Variants in PTPRR observed in about 807,000 individuals in gnomAD.
PTPRR encodes the protein protein tyrosine phosphatase receptor type R, also known as receptor-type tyrosine-protein phosphatase R.
PTPRR carries 38 observed loss-of-function variants against 77.2 expected under a neutral mutation model. The ratio of observed to expected loss-of-function variants is 0.49; its 90% CI spans 0.38 to 0.65. The LOEUF (loss-of-function observed/expected upper bound fraction) is 0.65. Among genes scored for constraint, PTPRR ranks in the 30% least tolerant of loss-of-function variants. The probability of loss-of-function intolerance (pLI) is 0.00; values close to 1 mark genes in which losing one functional copy is unlikely to be tolerated. For synonymous variants in PTPRR, 299 were observed against 283.1 expected, an observed-to-expected ratio of 1.06 and a Z score of -0.57; for missense variants, 744 against 799.2, an observed-to-expected ratio of 0.93 and a Z score of 0.83.
chr12:70,734,401 G>A (rs190220473), intron 6 of PTPRR, among the ~76,000 whole-genome samples: 17 of 152,240 alleles, frequency 1.1e-4, no homozygotes, highest in Non-Finnish European at 2.2e-4. Context: ...AGTTCCCAGG[G>A]TAGTTAGATT....
intron 13 of PTPRR, among the ~76,000 whole-genome samples, chr12:70,655,365 C>T (rs776039646): frequency 6.6e-5 from 10 of 152,240 alleles, no homozygotes; most frequent in South Asian, 6.2e-4. Context: ...AATAGAATTC[C>T]GTATGATCCA....
chr12:70,784,622 G>A (rs1251267620), intron 2 of PTPRR, among the ~76,000 whole-genome samples: 2 of 152,334 alleles, frequency 1.3e-5, no homozygotes, highest in East Asian at 1.9e-4. Context: ...GGCAGCAGCC[G>A]CACCAGATGG....
intron 2 of PTPRR, among the ~76,000 whole-genome samples, chr12:70,784,225 A>C (rs1462071112): frequency 6.6e-6 from 1 of 152,166 alleles, no homozygotes; most frequent in Non-Finnish European, 1.5e-5. Context: ...AGGGGTACCC[A>C]GGTTGCAGTG....
At chr12:70,735,683 A>G (rs1233283940) in intron 6 of PTPRR, among the ~76,000 whole-genome samples, 1 of 152,174 alleles carries the variant, frequency 6.6e-6, no homozygotes, top group African/African-American at 2.4e-5. Context: ...GGTTGTCAAG[A>G]TTGTATCTTT....
chr12:70,767,247 A>C (rs560399499), intron 2 of PTPRR, among the ~76,000 whole-genome samples: 2 of 152,212 alleles, frequency 1.3e-5, no homozygotes, highest in South Asian at 4.2e-4. Context: ...AAGACCCATC[A>C]GTGTGCTGTA....
intron 1 of PTPRR, 98 bp downstream of exon 1, chr12:70,920,235 A>G (rs1054254005): frequency 1.5e-6 from 2 of 1,332,046 alleles, no homozygotes; most frequent in Non-Finnish European, 2.1e-6. Flanking sequence ...CTTTTTAGAA[A>G]GGCTTTCTTC....
chr12:70,676,543 G>T (rs1374319308), intron 10 of PTPRR, among the ~76,000 whole-genome samples: 1 of 151,790 alleles, frequency 6.6e-6, no homozygotes, highest in Non-Finnish European at 1.5e-5. Flanking sequence ...TTTGATTGTA[G>T]GCTTATGTTT....
chr12:70,877,932 A>C (rs531128035), intron 2 of PTPRR, among the ~76,000 whole-genome samples: 4,230 of 152,004 alleles, frequency 0.028, 100 homozygotes, highest in Non-Finnish European at 0.044. Flanking sequence ...ACACAGCCCT[A>C]AGAAATAATG....
At chr12:70,758,364 A>G (rs1291883461) in intron 4 of PTPRR, among the ~76,000 whole-genome samples, 1 of 150,872 alleles carries the variant, frequency 6.6e-6, no homozygotes, top group Non-Finnish European at 1.5e-5. Flanking sequence ...TACTTGCTTT[A>G]AAGCCAGCTC....
intron 2 of PTPRR, among the ~76,000 whole-genome samples, chr12:70,886,907 G>T (rs962297107): frequency 1.3e-5 from 2 of 151,956 alleles, no homozygotes; most frequent in African/African-American, 4.8e-5. Flanking sequence ...ATTATAACTC[G>T]GGAAGAAAGA....
At chr12:70,645,997 C>T (rs1341119246) in intron 13 of PTPRR, among the ~76,000 whole-genome samples, 1 of 152,152 alleles carries the variant, frequency 6.6e-6, no homozygotes, top group Non-Finnish European at 1.5e-5. Flanking sequence ...CCGCCCAGCC[C>T]GTATCCGGTC....
At chr12:70,798,967 G>C (rs990041401) in intron 2 of PTPRR, among the ~76,000 whole-genome samples, 3 of 151,902 alleles carry the variant, frequency 2.0e-5, no homozygotes, top group Non-Finnish European at 4.4e-5. Context: ...AATAAATGCA[G>C]GCAAACAGAA....
At chr12:70,723,711 G>GT (rs1234640734) in intron 6 of PTPRR, among the ~76,000 whole-genome samples, 9 of 151,576 alleles carry the variant, frequency 5.9e-5, no homozygotes, top group Non-Finnish European at 1.0e-4. Context: ...TTACCTTTTT[G>GT]TTTTTTTTAA....
In PTPRR at chr12:70,656,805, A is replaced by T; in HGVS notation, c.1779T>A (p.Gly593=). 1.2e-6 allele frequency: 2 copies of T among 1,610,036 alleles called. No individual in the cohort carries two copies. The highest frequency in any genetic ancestry group is 1.7e-6 in the Non-Finnish European group (2 of 1,176,736). ...PVVVHCSAGI[G]RTGCFIATSI... Reference sequence around the variant, plus strand: ...ATGTAGCAATAAAACACCCTGTTCTACCTATTCCTGCACTGAAAAGAAAAG... The same window carrying T: ...ATGTAGCAATAAAACACCCTGTTCTTCCTATTCCTGCACTGAAAAGAAAAG... The change falls in exon 13 of 14, where the codon GGT becomes GGA. Residue 593 remains glycine (G), a synonymous_variant. Transcript: ENST00000283228.
At chr12:70,783,151 A>AG in intron 2 of PTPRR, among the ~76,000 whole-genome samples, 1 of 152,260 alleles carries the variant, frequency 6.6e-6, no homozygotes, top group South Asian at 2.1e-4. Flanking sequence ...TGAGGTATGC[A>AG]GACAAGTGAA....
intron 10 of PTPRR, among the ~76,000 whole-genome samples, chr12:70,665,765 TCTAG>T (rs955117091): frequency 1.3e-5 from 2 of 151,958 alleles, no homozygotes; most frequent in Non-Finnish European, 1.5e-5. Context: ...GAGGAGGCGG[TCTAG>T]CTAGTTGTTT....
chr12:70,675,892 C>CA (rs1386079159), intron 10 of PTPRR, among the ~76,000 whole-genome samples: 2 of 141,548 alleles, frequency 1.4e-5, no homozygotes, highest in Admixed American at 7.1e-5. Context: ...ATAGAAAAGC[C>CA]TTTTTTTTTT....
chr12:70,669,550 T>C (rs1419879475), intron 10 of PTPRR, among the ~76,000 whole-genome samples: 1 of 126,852 alleles, frequency 7.9e-6, no homozygotes, highest in Non-Finnish European at 1.6e-5. Context: ...GCCATATATA[T>C]ATATGTTATA....
chr12:70,904,675 G>T (rs979722820), intron 1 of PTPRR, among the ~76,000 whole-genome samples: 2 of 151,418 alleles, frequency 1.3e-5, no homozygotes, highest in Non-Finnish European at 3.0e-5. Flanking sequence ...AAGTCAATAG[G>T]TTATACTATG....
Sources: allele counts gnomAD v4.1 joint callset (sites outside exome capture counted in the v4.1 genomes callset), GRCh38; gene constraint gnomAD v4.1.1; transcripts MANE v1.5; gene names NCBI Gene and HGNC (gene_info 2026-07-23, HGNC 2026-07-21).